Variants in TENM2 observed in about 807,000 individuals in gnomAD.
TENM2 encodes the protein teneurin transmembrane protein 2, also known as teneurin-2.
A neutral mutation model predicts 245.2 loss-of-function variants in TENM2; 52 were observed. The observed-to-expected ratio is 0.21, with a 90% CI of 0.17 to 0.27. The LOEUF (loss-of-function observed/expected upper bound fraction) is 0.27. TENM2 is among the 10% of genes least tolerant of loss of function. The pLI is 1.00. For missense variants in TENM2, 3,046 were observed against 3,666.8 expected (o/e 0.83, Z 4.37); for synonymous variants, 1,363 against 1,438.9 (o/e 0.95, Z 1.19).
chr5:167,054,569 T>C, the TENM2 span, among the ~76,000 whole-genome samples: 1 of 152,160 alleles, frequency 6.6e-6, no homozygotes, highest in Non-Finnish European at 1.5e-5. Context: ...TGTTGAATCA[T>C]ATGGTAAAAG....
At chr5:167,201,493 T>G in the TENM2 span, among the ~76,000 whole-genome samples, 795 of 152,282 alleles carry the variant, frequency 5.2e-3, 5 homozygotes, top group African/African-American at 0.018. Context: ...CTTCAAGAAA[T>G]TAACTTGAAC....
the TENM2 span, chr5:167,119,368 A>T: frequency 2.6e-5 from 4 of 152,236 alleles, no homozygotes; most frequent in Non-Finnish European, 5.9e-5. Flanking sequence ...AATAGGTCAC[A>T]TTTTAAAAAT....
At chr5:168,137,699 G>A (rs1389589829) in intron 12 of TENM2, among the ~76,000 whole-genome samples, 11 of 152,180 alleles carry the variant, frequency 7.2e-5, no homozygotes, top group Non-Finnish European at 1.2e-4. Context: ...GAAAAGAGAT[G>A]GAAGATACCG....
chr5:167,011,512 A>T, the TENM2 span, among the ~76,000 whole-genome samples: 4 of 152,338 alleles, frequency 2.6e-5, no homozygotes, highest in East Asian at 7.7e-4. Context: ...AAATAATAGT[A>T]AGTGGTAGTG....
At chr5:168,230,293 A>T (rs1304312798) in intron 25 of TENM2, among the ~76,000 whole-genome samples, 5 of 152,254 alleles carry the variant, frequency 3.3e-5, no homozygotes, top group Non-Finnish European at 5.9e-5. Flanking sequence ...AATGAAAATC[A>T]CTATGAGATT....
chr5:167,762,249 G>T (rs990517310), intron 2 of TENM2, among the ~76,000 whole-genome samples: 2 of 152,116 alleles, frequency 1.3e-5, no homozygotes, highest in Non-Finnish European at 2.9e-5. Context: ...TCCTTAGGAG[G>T]ACAAAAGATC....
At chr5:168,241,982 C>T (rs1379612298) in intron 25 of TENM2, among the ~76,000 whole-genome samples, 1 of 152,160 alleles carries the variant, frequency 6.6e-6, no homozygotes, top group Non-Finnish European at 1.5e-5. Context: ...GAGATCTAGA[C>T]TCTTTTTCTC....
chr5:167,406,110 G>A (rs1301528551), intron 2 of TENM2, among the ~76,000 whole-genome samples: 2 of 152,092 alleles, frequency 1.3e-5, no homozygotes, highest in East Asian at 3.9e-4. Flanking sequence ...AAGTCTTTAA[G>A]TAGAAATGCT....
At chr5:167,531,781 C>A (rs1582306680) in intron 2 of TENM2, among the ~76,000 whole-genome samples, 1 of 152,212 alleles carries the variant, frequency 6.6e-6, no homozygotes, top group East Asian at 1.9e-4. Context: ...AGATTCAAAG[C>A]TGTTGGGGTT....
intron 17 of TENM2, among the ~76,000 whole-genome samples, chr5:168,202,941 T>C (rs936841147): frequency 6.6e-6 from 1 of 152,182 alleles, no homozygotes; most frequent in Non-Finnish European, 1.5e-5. Flanking sequence ...GTCTGAGAAA[T>C]TGAGGCTTCA....
chr5:167,575,898 G>GT (rs1649706266), intron 2 of TENM2, among the ~76,000 whole-genome samples: 1 of 151,718 alleles, frequency 6.6e-6, no homozygotes, highest in Admixed American at 6.6e-5. Context: ...TTTCTACATC[G>GT]TTTTTTCCTG....
chr5:167,403,532 C>T (rs919354348), intron 2 of TENM2, among the ~76,000 whole-genome samples: 4 of 152,074 alleles, frequency 2.6e-5, no homozygotes, highest in Admixed American at 6.6e-5. Context: ...TGCCTTCTAC[C>T]TGAACGTATG....
chr5:167,864,749 G>C (rs6555775), intron 2 of TENM2, among the ~76,000 whole-genome samples: 127,828 of 152,170 alleles, frequency 0.84, 54,406 homozygotes, highest in Non-Finnish European at 0.91. Context: ...CTTTCTTCAT[G>C]TTTAAAATGG....
At chr5:167,643,595 CAG>C (rs1429059681) in intron 2 of TENM2, among the ~76,000 whole-genome samples, 1 of 152,200 alleles carries the variant, frequency 6.6e-6, no homozygotes, top group Non-Finnish European at 1.5e-5. Context: ...GATCCAGATT[CAG>C]AGTCAAGTTT....
intron 2 of TENM2, among the ~76,000 whole-genome samples, chr5:167,391,020 C>T (rs893540087): frequency 2.6e-5 from 4 of 152,118 alleles, no homozygotes; most frequent in Admixed American, 2.0e-4. Context: ...TCCTCTGTGT[C>T]GTTGTTCACC....
At chr5:167,424,930 C>A (rs1160460430) in intron 2 of TENM2, among the ~76,000 whole-genome samples, 1 of 152,076 alleles carries the variant, frequency 6.6e-6, no homozygotes, top group Non-Finnish European at 1.5e-5. Context: ...AATCATGCAT[C>A]CATATCAGTT....
At chr5:168,182,847 TTGA>T (rs1465840452) in intron 13 of TENM2, among the ~76,000 whole-genome samples, 49 of 131,238 alleles carry the variant, frequency 3.7e-4, no homozygotes, top group African/African-American at 1.7e-3. Context: ...TTTTTTTTTT[TTGA>T]GACAGAGTCT....
chr5:167,413,728 G>A (rs546668719), intron 2 of TENM2, among the ~76,000 whole-genome samples: 12 of 152,106 alleles, frequency 7.9e-5, no homozygotes, highest in South Asian at 2.1e-4. Flanking sequence ...CTTTCAGTAC[G>A]TGGTTAATAT....
intron 13 of TENM2, among the ~76,000 whole-genome samples, chr5:168,170,480 C>G (rs1418957294): frequency 6.6e-6 from 1 of 151,780 alleles, no homozygotes; most frequent in Non-Finnish European, 1.5e-5. Context: ...GCACTCCAGC[C>G]TGGGTGACAG....
Sources: gnomAD v4.1 joint callset for allele counts (sites outside exome capture counted in the v4.1 genomes callset) on GRCh38, gnomAD v4.1.1 for gene constraint, MANE v1.5 for transcripts, NCBI Gene and HGNC (gene_info 2026-07-23, HGNC 2026-07-21) for gene names.